The following CCDC171 variants were observed in gnomAD, a reference collection of about 807,000 sequenced individuals.
CCDC171 encodes the protein coiled-coil domain-containing protein 171.
A neutral mutation model predicts 168.2 loss-of-function variants in CCDC171; 177 were observed. The observed-to-expected ratio is 1.05, with a 90% CI of 0.93 to 1.19. The LOEUF (loss-of-function observed/expected upper bound fraction) is 1.19. Among genes scored for constraint, CCDC171 ranks in the 50% most tolerant of loss-of-function variants. The pLI, the probability that CCDC171 is intolerant of heterozygous loss-of-function variation, is 0.00. For missense variants in CCDC171, 1,991 were observed against 1,539.0 expected (o/e 1.29, Z -4.91); for synonymous variants, 687 against 540.8 (o/e 1.27, Z -3.75).
intron 24 of CCDC171, among the ~76,000 whole-genome samples, chr9:15,890,130 T>G (rs1421947060): frequency 1.3e-5 from 2 of 152,084 alleles, no homozygotes; most frequent in Non-Finnish European, 2.9e-5. Flanking sequence ...TGTAGGGCAT[T>G]GCGCTGTACT....
At chr9:15,853,687 A>G (rs751465294) in intron 23 of CCDC171, among the ~76,000 whole-genome samples, 1 of 151,580 alleles carries the variant, frequency 6.6e-6, no homozygotes, top group Non-Finnish European at 1.5e-5. Flanking sequence ...TTAAGGGGAA[A>G]GTTTTTGGTC....
chr9:15,782,326 A>G (rs907158692), intron 20 of CCDC171, among the ~76,000 whole-genome samples: 1 of 152,180 alleles, frequency 6.6e-6, no homozygotes, highest in Non-Finnish European at 1.5e-5. Flanking sequence ...ATCTTTGTTT[A>G]TTAGCTCCTT....
At chr9:15,641,590 C>T (rs1331882207) in intron 7 of CCDC171, among the ~76,000 whole-genome samples, 1 of 152,040 alleles carries the variant, frequency 6.6e-6, no homozygotes, top group Non-Finnish European at 1.5e-5. Flanking sequence ...CAGCTCATTC[C>T]TGGTTTATAA....
At chr9:15,721,425 C>T (rs1195635179) in intron 11 of CCDC171, among the ~76,000 whole-genome samples, 1 of 151,382 alleles carries the variant, frequency 6.6e-6, no homozygotes, top group African/African-American at 2.4e-5. Context: ...CAAACACTGC[C>T]GTTACTTAGG....
At chr9:16,097,180 C>G in the CCDC171 span, among the ~76,000 whole-genome samples, 1 of 152,126 alleles carries the variant, frequency 6.6e-6, no homozygotes, top group Non-Finnish European at 1.5e-5. Flanking sequence ...CCTGGAACCC[C>G]AGGTGTCAAG....
intron 24 of CCDC171, among the ~76,000 whole-genome samples, chr9:15,914,412 C>A (rs904838760): frequency 1.3e-5 from 2 of 152,144 alleles, no homozygotes; most frequent in African/African-American, 4.8e-5. Context: ...GGGCTCTGTC[C>A]AGTCAGAACT....
chr9:15,971,859 G>C lies in CCDC171; in HGVS notation c.*23G>C. The stretch of plus-strand genomic sequence containing the variant: ...TGACTTCATGAAATTAAAAAATGGA[G>C]GAAGAGTTAACAGTACAATTAAAAT... On this transcript the variant is annotated 3_prime_UTR_variant, in exon 26 of 26. Coordinates refer to ENST00000380701, the MANE Select transcript of CCDC171 (RefSeq NM_173550.4). The C allele has an allele frequency of 6.4e-7, 1 of 1,566,718 alleles. No homozygotes were observed. The highest frequency in any genetic ancestry group is 1.7e-5 in the Admixed American group (1 of 59,756).
chr9:16,073,510 G>T, the CCDC171 span, among the ~76,000 whole-genome samples: 2 of 152,058 alleles, frequency 1.3e-5, no homozygotes, highest in Non-Finnish European at 2.9e-5. Context: ...TTTGTTCTCT[G>T]CCTTGTCTCT....
chr9:15,997,083 A>G lies in CCDC171; in HGVS notation n.369-23506A>G, dbSNP rs745421232. 1.8e-4 allele frequency among the ~76,000 whole-genome samples: 28 copies of G among 152,290 alleles called. 1 individual carries two copies. The highest frequency in any genetic ancestry group is 1.2e-3 in the Admixed American group (19 of 15,290). On this transcript the variant is annotated intron_variant and non_coding_transcript_variant, in intron 3 of 9. Transcript: ENST00000486641. ...ATTTATTGAAGAGGAGTGCCTGTGA[A>G]AGATAAAGGGGAAGAAAGGAGGATT...
intron 21 of CCDC171, among the ~76,000 whole-genome samples, chr9:15,792,766 C>G (rs1404790213): frequency 6.6e-6 from 1 of 152,114 alleles, no homozygotes; most frequent in Non-Finnish European, 1.5e-5. Flanking sequence ...TATAGACAAG[C>G]AAATGCTGAC....
At chr9:15,595,028 T>C (rs375802598) in intron 6 of CCDC171, among the ~76,000 whole-genome samples, 19 of 152,332 alleles carry the variant, frequency 1.2e-4, no homozygotes, top group African/African-American at 4.1e-4. Context: ...GTCAAAGATA[T>C]GCATTTTTCA....
At chr9:15,700,460 G>A (rs1211971908) in intron 11 of CCDC171, among the ~76,000 whole-genome samples, 3 of 152,160 alleles carry the variant, frequency 2.0e-5, no homozygotes, top group Non-Finnish European at 4.4e-5. Context: ...AGTGGGCTGC[G>A]GCCTTGGCCA....
At chr9:15,875,456 C>T (rs1157163301) in intron 24 of CCDC171, 11 of 150,756 alleles carry the variant, frequency 7.3e-5, no homozygotes, top group Admixed American at 6.6e-4. Context: ...CTTTTAATGC[C>T]CAAAACCTTC....
intron 8 of CCDC171, among the ~76,000 whole-genome samples, chr9:15,661,965 C>T (rs1564161184): frequency 6.6e-6 from 1 of 152,102 alleles, no homozygotes; most frequent in African/African-American, 2.4e-5. Flanking sequence ...TATTTTACTC[C>T]CTTAGTTTAG....
intron 16 of CCDC171, 22 bp downstream of exon 16, chr9:15,729,820 C>T (rs1384918500): frequency 6.4e-7 from 1 of 1,573,392 alleles, no homozygotes; most frequent in Non-Finnish European, 8.6e-7. Context: ...TTACAAAGAG[C>T]TTTAAAAAAT....
intron 25 of CCDC171, among the ~76,000 whole-genome samples, chr9:15,942,149 A>T (rs2987069): frequency 6.6e-6 from 1 of 151,632 alleles, no homozygotes; most frequent in Non-Finnish European, 1.5e-5. Flanking sequence ...TTTTTAGTTG[A>T]CTAATCCTAT....
chr9:15,931,301 T>A (rs551228882), intron 25 of CCDC171, among the ~76,000 whole-genome samples: 12 of 151,846 alleles, frequency 7.9e-5, no homozygotes, highest in African/African-American at 2.9e-4. Context: ...TGAGGTGATA[T>A]CTCATTGTGG....
rs1043876228 is a variant in CCDC171, at chr9:15,784,702, A to T, written c.3267+8A>T. On this transcript the variant is annotated splice_region_variant and intron_variant, in intron 21 of 25. Coordinates refer to ENST00000380701, the MANE Select transcript of CCDC171 (RefSeq NM_173550.4). ...CTTGGAGAAGCTGTTAAGGTAAGAG[A>T]ATAAAGGGATATTTGCATAAAGGGA... is the stretch of plus-strand genomic sequence containing the variant. 3.1e-6 allele frequency: 5 copies of T among 1,600,606 alleles called. No homozygotes were observed. In the African/African-American group the frequency reaches 5.4e-5, roughly 17 times the overall value.
chr9:15,958,195 T>C (rs1829996164), intron 25 of CCDC171, among the ~76,000 whole-genome samples: 1 of 151,976 alleles, frequency 6.6e-6, no homozygotes. Context: ...TACCTGTCAC[T>C]GTGCAGGCCA....
Sources: gnomAD v4.1 joint callset for allele counts (sites outside exome capture counted in the v4.1 genomes callset) on GRCh38, gnomAD v4.1.1 for gene constraint, MANE v1.5 for transcripts, NCBI Gene and HGNC (gene_info 2026-07-23, HGNC 2026-07-21) for gene names.